CCDC3: variants seen among roughly 807,000 people sequenced by gnomAD.
CCDC3 encodes coiled-coil domain containing 3, also known as coiled-coil domain-containing protein 3.
CCDC3 carries 24 observed loss-of-function variants against 21.4 expected under a neutral mutation model. That is an observed-to-expected ratio of 1.12 (90% CI 0.81 to 1.58). The LOEUF (loss-of-function observed/expected upper bound fraction) is 1.58. Among genes scored for constraint, CCDC3 ranks in the 40% most tolerant of loss-of-function variants. The pLI is 0.00. For synonymous variants in CCDC3, 186 were observed against 166.0 expected (o/e 1.12, Z -0.93); for missense variants, 425 against 360.9 (o/e 1.18, Z -1.44).
At chr10:13,091,217 C>T (rs1390287171) in intron 3 of CCDC3, among the ~76,000 whole-genome samples, 1 of 152,162 alleles carries the variant, frequency 6.6e-6, no homozygotes, top group Non-Finnish European at 1.5e-5. Flanking sequence ...CTCTGGCAAC[C>T]CACTCACAGA....
At chr10:12,930,662 GTTCGGAAATACCT>G (rs1030477461) in intron 2 of CCDC3, among the ~76,000 whole-genome samples, 1 of 152,198 alleles carries the variant, frequency 6.6e-6, no homozygotes, top group African/African-American at 2.4e-5. Context: ...AGTTGGCAGT[GTTCGGAAATACCT>G]TTCATTGTGA....
chr10:13,076,266 T>A (rs1015316569), intron 3 of CCDC3, among the ~76,000 whole-genome samples: 1 of 152,234 alleles, frequency 6.6e-6, no homozygotes, highest in Non-Finnish European at 1.5e-5. Context: ...CAGCCAACAG[T>A]AATACATTTA....
rs1422840145 is a variant in CCDC3, at chr10:13,023,529, T to C, written c.-1-25017A>G. Among the ~76,000 whole-genome samples, 5 of 152,250 alleles carry C rather than the reference T, an allele frequency of 3.3e-5. No individual in the cohort carries two copies. In the East Asian group the frequency reaches 9.7e-4, roughly 29 times the overall value. ...GAAGATGCCCCAGTGTGCAAGTATTTATCAAGTCTCCAGTCACACCACTCT... is the reference window on the plus strand; with the variant it reads ...GAAGATGCCCCAGTGTGCAAGTATTCATCAAGTCTCCAGTCACACCACTCT... On this transcript the variant is annotated intron_variant, in intron 5 of 6. Coordinates refer to the CCDC3 transcript ENST00000378839.
chr10:12,980,378 C>T (rs1477139864), intron 2 of CCDC3, among the ~76,000 whole-genome samples: 1 of 152,174 alleles, frequency 6.6e-6, no homozygotes, highest in Admixed American at 6.5e-5. Flanking sequence ...TCCTCTCCAG[C>T]CCAAGATTCA....
rs56054100 is a variant in CCDC3, at chr10:12,917,180, C to CTTTTTTTTTTT, written c.550-18512_550-18502dup. Among the ~76,000 whole-genome samples the CTTTTTTTTTTT allele has an allele frequency of 1.7e-4, 10 of 58,224 alleles. 1 individual carries two copies. Among genetic ancestry groups the CTTTTTTTTTTT allele is most frequent in the African/African-American group, 6.1e-4 (9 of 14,776 alleles). The allele number at this position is 58,224 out of a possible 152,430, so 38.2% of individuals were successfully genotyped here. On this transcript the variant is annotated intron_variant, in intron 2 of 2. Coordinates refer to ENST00000378825, the MANE Select transcript of CCDC3 (RefSeq NM_031455.4). Reference sequence around the variant, plus strand: ...GTTGGAAATGTCCTTATTTCTTCTTCTTTTTTTTTTTTTTTTTTTTTTTTT... The same window carrying CTTTTTTTTTTT: ...GTTGGAAATGTCCTTATTTCTTCTTCTTTTTTTTTTTTTTTTTTTTTTTTTTTTTTTTTTTT...
intron 2 of CCDC3, among the ~76,000 whole-genome samples, chr10:12,917,327 G>C (rs2131212089): frequency 6.6e-6 from 1 of 151,386 alleles, no homozygotes; most frequent in African/African-American, 2.4e-5. Flanking sequence ...CTGAGTAGCT[G>C]GGACTACAGG....
At chr10:13,006,139 G>A (rs1345832322), upstream of CCDC3, among the ~76,000 whole-genome samples, 1 of 152,180 alleles carries the variant, frequency 6.6e-6, no homozygotes, top group African/African-American at 2.4e-5. Context: ...ATGTTTTGTG[G>A]AACGTCAAGA....
chr10:12,989,576 C>T (rs112484343), intron 2 of CCDC3, among the ~76,000 whole-genome samples: 25,206 of 152,032 alleles, frequency 0.17, 2,710 homozygotes, highest in Non-Finnish European at 0.23. Flanking sequence ...CACGTGCCAC[C>T]ACACCTGGCT....
chr10:12,926,347 C>T (rs1229552318), intron 2 of CCDC3, among the ~76,000 whole-genome samples: 1 of 152,202 alleles, frequency 6.6e-6, no homozygotes, highest in Non-Finnish European at 1.5e-5. Flanking sequence ...TTGAGCTGAA[C>T]TTAAGCATGG....
intron 2 of CCDC3, among the ~76,000 whole-genome samples, chr10:12,917,180 C>CTTCTTTTTTTTTTTTTGTTTT (rs1554753697): frequency 1.7e-5 from 1 of 58,224 alleles, no homozygotes; most frequent in African/African-American, 6.8e-5. Context: ...ATTTCTTCTT[C>CTTCTTTTTTTTTTTTTGTTTT]TTTTTTTTTT....
intron 5 of CCDC3, among the ~76,000 whole-genome samples, chr10:13,040,695 A>T (rs1023781231): frequency 3.4e-5 from 5 of 148,852 alleles, no homozygotes; most frequent in Non-Finnish European, 5.9e-5. Flanking sequence ...TGTCACACAC[A>T]CACACACACA....
At chr10:13,055,030 T>A (rs1419086130) in intron 4 of CCDC3, among the ~76,000 whole-genome samples, 1 of 152,108 alleles carries the variant, frequency 6.6e-6, no homozygotes, top group East Asian at 1.9e-4. Flanking sequence ...CTCTGCCCCA[T>A]GTGGTGTGGA....
chr10:13,058,021 G>T (rs757024401), intron 4 of CCDC3: 7 of 729,378 alleles, frequency 9.6e-6, no homozygotes, highest in Non-Finnish European at 1.5e-5. Flanking sequence ...ACTGTTTCTT[G>T]TAAGCATCTT....
At chr10:12,947,236 C>T (rs1834929436) in intron 2 of CCDC3, among the ~76,000 whole-genome samples, 1 of 152,060 alleles carries the variant, frequency 6.6e-6, no homozygotes, top group African/African-American at 2.4e-5. Flanking sequence ...GAACTTCTGC[C>T]TCCCAGGTTC....
chr10:12,917,771 G>T (rs974530752), intron 2 of CCDC3, among the ~76,000 whole-genome samples: 2 of 152,202 alleles, frequency 1.3e-5, no homozygotes, highest in Non-Finnish European at 2.9e-5. Context: ...CATTTCAGAT[G>T]ACTCTTTACT....
chr10:13,084,554 T>C (rs1427600103), intron 3 of CCDC3, among the ~76,000 whole-genome samples: 1 of 152,226 alleles, frequency 6.6e-6, no homozygotes, highest in East Asian at 1.9e-4. Context: ...CCCAAAGTGC[T>C]GGGATTACAG....
intron 1 of CCDC3, among the ~76,000 whole-genome samples, chr10:12,999,302 G>T (rs953307747): frequency 1.3e-5 from 2 of 152,142 alleles, no homozygotes; most frequent in East Asian, 3.8e-4. Context: ...CATAAGCATT[G>T]CATCAAAAAC....
At chr10:12,978,064 G>A (rs1337323279) in intron 2 of CCDC3, among the ~76,000 whole-genome samples, 1 of 151,616 alleles carries the variant, frequency 6.6e-6, no homozygotes, top group Non-Finnish European at 1.5e-5. Flanking sequence ...TGTCATCCAG[G>A]CTGGAGTGCA....
At position 12,898,508 on chromosome 10, in the gene CCDC3, C is replaced by A; in HGVS notation, c.721G>T (p.Ala241Ser). ...AGCTTCTCACTGAGTTTCTGGTTCG[C>A]CAGCTCCAGGTGGCGGCCCTTCTTA... The part of the protein sequence containing the change: ...ARKKGRHLEL[A>S]NQKLSEKLAA... The change falls in exon 3 of 3, where the codon GCG (alanine) becomes TCG (serine). Residue 241 changes from alanine to serine, a missense_variant. Coordinates refer to ENST00000378825, the MANE Select transcript of CCDC3 (RefSeq NM_031455.4). 2.5e-6 allele frequency: 4 copies of A among 1,614,114 alleles called. No individual in the cohort carries two copies. Among genetic ancestry groups the A allele is most frequent in the Non-Finnish European group, 3.4e-6 (4 of 1,180,002 alleles).
Sources: allele counts gnomAD v4.1 joint callset (sites outside exome capture counted in the v4.1 genomes callset), GRCh38; gene constraint gnomAD v4.1.1; transcripts MANE v1.5; gene names NCBI Gene and HGNC (gene_info 2026-07-23, HGNC 2026-07-21).